Variants in FAM228B observed in about 807,000 individuals in gnomAD.
FAM228B encodes the protein family with sequence similarity 228 member B, also known as protein FAM228B.
In FAM228B, 38 loss-of-function variants were observed where a neutral mutation model predicts 42.6. The observed-to-expected ratio is 0.89, with a 90% CI of 0.69 to 1.17. FAM228B has a LOEUF of 1.17. Ranked by LOEUF, FAM228B falls within the 50% of genes most tolerant of loss-of-function variation. The probability of loss-of-function intolerance (pLI) is 0.00; values close to 1 mark genes in which losing one functional copy is unlikely to be tolerated. For synonymous variants in FAM228B, 109 were observed against 122.3 expected (o/e 0.89, Z 0.72); for missense variants, 344 against 367.3 (o/e 0.94, Z 0.52).
In FAM228B at chr2:24,138,243, T is replaced by G. The variant is rs1402579084; in HGVS notation, c.360+143T>G. Reference sequence around the variant, plus strand: ...CCTGTTACATAATAGCATAAAGTATTCTTAAACCCAGGACATTTGGAAAGG... The same window carrying G: ...CCTGTTACATAATAGCATAAAGTATGCTTAAACCCAGGACATTTGGAAAGG... On this transcript the variant is annotated intron_variant, in intron 4 of 10. Coordinates refer to ENST00000615575, the MANE Select transcript of FAM228B (RefSeq NM_001145710.2). 5.0e-6 allele frequency: 3 copies of G among 603,704 alleles called. No homozygotes were observed. In the Admixed American group the frequency reaches 1.1e-4, roughly 23 times the overall value. 37.4% of individuals were successfully genotyped at this position (603,704 alleles called of 1,614,324 possible). A position where few individuals can be genotyped will look rare whatever the true frequency, so the allele number is the denominator to read the frequency against.
chr2:24,110,647 A>G (rs1397675975), intron 3 of FAM228B, among the ~76,000 whole-genome samples: 1 of 152,190 alleles, frequency 6.6e-6, no homozygotes, highest in African/African-American at 2.4e-5. Context: ...CGCCCTATAC[A>G]TCTCCATTTG....
At chr2:24,090,405 GA>G (rs987919369) in intron 2 of FAM228B, among the ~76,000 whole-genome samples, 2 of 151,834 alleles carry the variant, frequency 1.3e-5, no homozygotes, top group African/African-American at 4.8e-5. Context: ...CCAACATGGT[GA>G]AACCCCAACT....
At chr2:24,129,054 G>A (rs182607828) in intron 2 of FAM228B, among the ~76,000 whole-genome samples, 51 of 152,102 alleles carry the variant, frequency 3.4e-4, no homozygotes, top group Non-Finnish European at 5.6e-4. Flanking sequence ...TAGTGTTTAC[G>A]ATCAGCTGAA....
intron 3 of FAM228B, among the ~76,000 whole-genome samples, chr2:24,108,601 G>A (rs974851036): frequency 6.6e-6 from 1 of 152,100 alleles, no homozygotes; most frequent in Non-Finnish European, 1.5e-5. Context: ...ATGCAAAGTT[G>A]GTTTAACATA....
chr2:24,083,011 C>G, intron 2 of FAM228B: 2 of 1,614,098 alleles, frequency 1.2e-6, no homozygotes, highest in Non-Finnish European at 8.5e-7. Flanking sequence ...TGAGCCTGGC[C>G]CCCACCGGGG....
At chr2:24,113,396 G>T (rs1665831329) in intron 3 of FAM228B, among the ~76,000 whole-genome samples, 1 of 152,004 alleles carries the variant, frequency 6.6e-6, no homozygotes. Context: ...AACATGGTGA[G>T]ACCCCATCTT....
chr2:24,085,617 C>T (rs552050967), intron 2 of FAM228B: 1 of 152,272 alleles, frequency 6.6e-6, no homozygotes, highest in African/African-American at 2.4e-5. Flanking sequence ...CCTGTTAGGT[C>T]AGTTTAGATA....
intron 2 of FAM228B, among the ~76,000 whole-genome samples, chr2:24,083,466 G>A (rs1665105577): frequency 1.3e-5 from 2 of 152,106 alleles, no homozygotes; most frequent in Non-Finnish European, 2.9e-5. Context: ...GAACCTTGAC[G>A]ATGGTTCCCA....
In FAM228B at chr2:24,169,099, C is replaced by A. The variant is rs1292869208; in HGVS notation, c.*15-257C>A. ...TGAGACCACAGGGGTTCCCTCAAATCATGTCACACATCAGTGATCCACCCC... is the reference window on the plus strand; with the variant it reads ...TGAGACCACAGGGGTTCCCTCAAATAATGTCACACATCAGTGATCCACCCC... On this transcript the variant is annotated intron_variant, in intron 10 of 10. Coordinates refer to ENST00000615575, the MANE Select transcript of FAM228B (RefSeq NM_001145710.2). The surrounding 1 kb of genome is among the most constrained non-coding windows in gnomAD (Gnocchi z 4.2). Among the ~76,000 whole-genome samples the A allele has an allele frequency of 6.6e-6, 1 of 152,220 alleles. No individual in the cohort carries two copies. Among genetic ancestry groups the A allele is most frequent in the Non-Finnish European group, 1.5e-5 (1 of 68,042 alleles).
intron 2 of FAM228B, among the ~76,000 whole-genome samples, chr2:24,091,867 TGATTG>T (rs1257981786): frequency 1.3e-5 from 2 of 152,178 alleles, no homozygotes; most frequent in Non-Finnish European, 2.9e-5. Context: ...GTATATTTTT[TGATTG>T]GATAAAGTGG....
At chr2:24,109,511 C>A (rs2150999055) in intron 3 of FAM228B, among the ~76,000 whole-genome samples, 1 of 152,230 alleles carries the variant, frequency 6.6e-6, no homozygotes, top group South Asian at 2.1e-4. Flanking sequence ...AACAGACAAC[C>A]TACTGAGAGA....
intron 2 of FAM228B, among the ~76,000 whole-genome samples, chr2:24,089,976 G>GA (rs33915915): frequency 0.7 from 91,014 of 130,372 alleles, 32,076 homozygotes; most frequent in East Asian, 0.82. Context: ...TAAAAAAAAA[G>GA]AAAAAAAAAA....
chr2:24,080,853 C>G lies in FAM228B; in HGVS notation c.-289-23C>G, dbSNP rs61758081. ...ATTTCAGCGTTGCTTCAGAGAAATC[C>G]TCTTTTTTGTAATTGAATCCAGCAG... On this transcript the variant is annotated intron_variant, in intron 1 of 10. Coordinates refer to the FAM228B transcript ENST00000613899. The surrounding 1 kb of genome is among the most constrained non-coding windows in gnomAD (Gnocchi z 4.7). 429 of 1,614,186 alleles carry G rather than the reference C, an allele frequency of 2.7e-4. 1 individual carries two copies. In the African/African-American group the frequency reaches 5.2e-3, roughly 19 times the overall value.
chr2:24,084,348 G>A lies in FAM228B; in HGVS notation c.-210+3393G>A. On this transcript the variant is annotated intron_variant, in intron 2 of 10. Transcript: ENST00000613899. This position sits in a 1 kb window ranked among gnomAD's most constrained non-coding sequence, Gnocchi z 8.4. ...ACATATTGTCTGAGGACACAGGGCA[G>A]GGCAGGGCAGGACAGGACAGGGCAG... The A allele has an allele frequency of 7.1e-7, 1 of 1,407,272 alleles. No individual in the cohort carries two copies. Among genetic ancestry groups the A allele is most frequent in the Admixed American group, 1.8e-5 (1 of 55,434 alleles). 87.2% of individuals were successfully genotyped at this position (1,407,272 alleles called of 1,614,324 possible). A position where few individuals can be genotyped will look rare whatever the true frequency, so the allele number is the denominator to read the frequency against.
At chr2:24,089,987 A>AC (rs892064821) in intron 2 of FAM228B, among the ~76,000 whole-genome samples, 4 of 150,128 alleles carry the variant, frequency 2.7e-5, no homozygotes, top group Admixed American at 6.7e-5. Flanking sequence ...AAAAAAAAAA[A>AC]AAAACGCCGG....
chr2:24,155,531 A>ATTTTTTTT lies in FAM228B; in HGVS notation c.687-5956_687-5949dup, dbSNP rs70944720. Among the ~76,000 whole-genome samples the ATTTTTTTT allele has an allele frequency of 1.1e-3, 14 of 13,034 alleles. 1 individual carries two copies. The highest frequency in any genetic ancestry group is 1.5e-3 in the African/African-American group (7 of 4,616). The allele number at this position is 13,034 out of a possible 152,430, so 8.6% of individuals were successfully genotyped here. A position where few individuals can be genotyped will look rare whatever the true frequency, so the allele number is the denominator to read the frequency against. Reference sequence around the variant, plus strand: ...TATATATATATATATATATATATATATTTTTTTTTTTTTTTTTTTTTTTTT... The same window carrying ATTTTTTTT: ...TATATATATATATATATATATATATATTTTTTTTTTTTTTTTTTTTTTTTTTTTTTTTT... On this transcript the variant is annotated intron_variant, in intron 7 of 10. Coordinates refer to ENST00000615575, the MANE Select transcript of FAM228B (RefSeq NM_001145710.2).
intron 7 of FAM228B, among the ~76,000 whole-genome samples, chr2:24,151,570 G>C (rs1667024113): frequency 6.6e-6 from 1 of 150,924 alleles, no homozygotes; most frequent in Non-Finnish European, 1.5e-5. Context: ...GGGAATACAG[G>C]CATGAGCCAC....
intron 2 of FAM228B, among the ~76,000 whole-genome samples, chr2:24,127,572 A>G (rs1666346892): frequency 6.6e-6 from 1 of 152,184 alleles, no homozygotes; most frequent in Non-Finnish European, 1.5e-5. Flanking sequence ...GCAATGTATG[A>G]AAGTTACAAT....
chr2:24,100,219 A>G (rs1665577881), intron 3 of FAM228B, among the ~76,000 whole-genome samples: 1 of 152,346 alleles, frequency 6.6e-6, no homozygotes, highest in East Asian at 1.9e-4. Context: ...CAAGGACTTC[A>G]TGACTAAAAC....
Sources: gnomAD v4.1 joint callset for allele counts (sites outside exome capture counted in the v4.1 genomes callset) on GRCh38, gnomAD v4.1.1 for gene constraint, Gnocchi (gnomAD v3.1) non-coding constraint, MANE v1.5 for transcripts, NCBI Gene and HGNC (gene_info 2026-07-23, HGNC 2026-07-21) for gene names.